The following ALK variants were observed in gnomAD, a reference collection of about 807,000 sequenced individuals.
ALK encodes ALK receptor tyrosine kinase.
In ALK, 74 loss-of-function variants were observed where a neutral mutation model predicts 163.1. That is an observed-to-expected ratio of 0.45 (90% CI 0.38 to 0.55). ALK has a LOEUF of 0.55. ALK is among the 20% of genes least tolerant of loss of function. The pLI is 0.00. For missense variants in ALK, 2,063 were observed against 2,105.3 expected, an observed-to-expected ratio of 0.98 and a Z score of 0.39; for synonymous variants, 960 against 843.2, an observed-to-expected ratio of 1.14 and a Z score of -2.40.
At chr2:29,602,533 A>C (rs1361250858) in intron 3 of ALK, among the ~76,000 whole-genome samples, 1 of 152,152 alleles carries the variant, frequency 6.6e-6, no homozygotes, top group African/African-American at 2.4e-5. Flanking sequence ...GGATTAAGTG[A>C]TGTGTCTAGC....
chr2:29,376,919 G>A (rs914771278), intron 5 of ALK, among the ~76,000 whole-genome samples: 1 of 152,118 alleles, frequency 6.6e-6, no homozygotes, highest in Non-Finnish European at 1.5e-5. Context: ...CTTTGGTGGA[G>A]AAGAAGGAGA....
intron 1 of ALK, among the ~76,000 whole-genome samples, chr2:29,849,232 G>A (rs1665932717): frequency 1.3e-5 from 2 of 152,202 alleles, no homozygotes; most frequent in South Asian, 4.1e-4. Context: ...CTTCTGTTTA[G>A]CTATGCTCAC....
At position 29,200,776 on chromosome 2, in the gene ALK, T is replaced by C. The variant is rs1189616984; in HGVS notation, c.3939-3100A>G. On this transcript the variant is annotated intron_variant, in intron 26 of 28. Transcript: ENST00000389048. ...ACGTATATATGTATATATATACGTA[T>C]ATATATGTATATACATGTATACATA... 1.1e-4 allele frequency among the ~76,000 whole-genome samples: 16 copies of C among 143,720 alleles called. No individual in the cohort carries two copies. In the South Asian group the frequency reaches 3.3e-3, roughly 30 times the overall value. 94.3% of individuals were successfully genotyped at this position (143,720 alleles called of 152,430 possible).
At chr2:29,899,110 C>T (rs532021883) in intron 1 of ALK, among the ~76,000 whole-genome samples, 25 of 152,278 alleles carry the variant, frequency 1.6e-4, no homozygotes, top group African/African-American at 5.8e-4. Flanking sequence ...TCAGGCCCTA[C>T]CCCCGACCTA....
At chr2:29,462,543 A>C (rs769380602) in intron 4 of ALK, among the ~76,000 whole-genome samples, 1 of 152,202 alleles carries the variant, frequency 6.6e-6, no homozygotes. Context: ...GATTGTTAGC[A>C]TATTTTAGCA....
At chr2:29,674,374 T>C (rs1346373794) in intron 3 of ALK, among the ~76,000 whole-genome samples, 2 of 151,874 alleles carry the variant, frequency 1.3e-5, no homozygotes, top group Non-Finnish European at 2.9e-5. Flanking sequence ...ATTGGGAGTT[T>C]TTAGCATGAA....
chr2:29,806,542 T>A (rs886761619), intron 1 of ALK, among the ~76,000 whole-genome samples: 1 of 152,098 alleles, frequency 6.6e-6, no homozygotes, highest in African/African-American at 2.4e-5. Context: ...GCTGAAAACT[T>A]TGAGCTGTGC....
chr2:29,536,971 C>G (rs1673274188), intron 3 of ALK, among the ~76,000 whole-genome samples: 1 of 152,160 alleles, frequency 6.6e-6, no homozygotes, highest in Non-Finnish European at 1.5e-5. Context: ...GCAGAGTGTT[C>G]ATGAGTGGTC....
At chr2:29,609,602 G>A (rs1675634030) in intron 3 of ALK, among the ~76,000 whole-genome samples, 1 of 151,880 alleles carries the variant, frequency 6.6e-6, no homozygotes, top group Admixed American at 6.6e-5. Context: ...TGACATGTGA[G>A]TCACCTTCAC....
At chr2:29,321,022 A>G (rs1667026381) in intron 6 of ALK, 140 bp from the exon 7 acceptor site, 1 of 1,072,112 alleles carries the variant, frequency 9.3e-7, no homozygotes, top group African/African-American at 1.5e-5. Flanking sequence ...TGGATGACTA[A>G]TGACACTGAT....
chr2:29,693,248 T>G (rs1419348753), intron 3 of ALK, among the ~76,000 whole-genome samples: 1 of 152,178 alleles, frequency 6.6e-6, no homozygotes, highest in Non-Finnish European at 1.5e-5. Flanking sequence ...TTATATCCAC[T>G]TTTTGCTAAA....
intron 4 of ALK, among the ~76,000 whole-genome samples, chr2:29,500,109 G>A (rs1672129494): frequency 6.6e-6 from 1 of 152,016 alleles, no homozygotes; most frequent in Admixed American, 6.6e-5. Context: ...CGATCCCAGA[G>A]TTCCTTGATG....
At chr2:29,258,989 T>TAC (rs1665017978) in intron 11 of ALK, among the ~76,000 whole-genome samples, 1 of 152,000 alleles carries the variant, frequency 6.6e-6, no homozygotes, top group African/African-American at 2.4e-5. Flanking sequence ...CTATATGAAA[T>TAC]ACACATACAT....
At chr2:29,264,429 C>T (rs990838916) in intron 11 of ALK, among the ~76,000 whole-genome samples, 10 of 152,222 alleles carry the variant, frequency 6.6e-5, no homozygotes, top group African/African-American at 2.4e-4. Flanking sequence ...TGGCCACCAC[C>T]ACCCCTGTCC....
chr2:29,250,080 G>A (rs536151792), intron 12 of ALK, among the ~76,000 whole-genome samples: 30 of 152,308 alleles, frequency 2.0e-4, no homozygotes, highest in Non-Finnish European at 3.5e-4. Context: ...TGTGGATCCC[G>A]GAGGCTGCGG....
At chr2:29,679,189 T>C (rs1483787589) in intron 3 of ALK, among the ~76,000 whole-genome samples, 1 of 151,902 alleles carries the variant, frequency 6.6e-6, no homozygotes, top group African/African-American at 2.4e-5. Context: ...TTTCTTTTGG[T>C]TAATTGTTTG....
Position 29,394,536 on chromosome 2 carries a change from G to C in ALK, c.1155-10677C>G, listed in dbSNP as rs572625624. Among the ~76,000 whole-genome samples, 3 of 152,326 alleles carry C rather than the reference G, an allele frequency of 2.0e-5. No homozygotes were observed. The South Asian group carries it at 6.2e-4, about 32-fold the overall frequency. On this transcript the variant is annotated intron_variant, in intron 4 of 28. Coordinates refer to ENST00000389048, the MANE Select transcript of ALK (RefSeq NM_004304.5). ...TGAATTCTGGGCAGGGGAAGTGAGAGGGGAGAGAGTGTGGATGGTGCTGGC... is the reference window on the plus strand; with the variant it reads ...TGAATTCTGGGCAGGGGAAGTGAGACGGGAGAGAGTGTGGATGGTGCTGGC...
At chr2:29,792,448 T>C (rs538044540) in intron 1 of ALK, among the ~76,000 whole-genome samples, 50 of 152,236 alleles carry the variant, frequency 3.3e-4, no homozygotes, top group Admixed American at 1.9e-3. Flanking sequence ...AACCCTCAAT[T>C]CAAATCATCT....
chr2:29,209,926 AGT>A (rs1463451456), intron 24 of ALK, 48 bp from the exon 25 acceptor site: 5 of 1,465,210 alleles, frequency 3.4e-6, no homozygotes, highest in Non-Finnish European at 4.8e-6. Flanking sequence ...TAGGAAGATG[AGT>A]GTACAACGGC....
Sources: gnomAD v4.1 joint callset for allele counts (sites outside exome capture counted in the v4.1 genomes callset) on GRCh38, gnomAD v4.1.1 for gene constraint, MANE v1.5 for transcripts, NCBI Gene and HGNC (gene_info 2026-07-23, HGNC 2026-07-21) for gene names.